Variants in NRCAM observed in about 807,000 individuals in gnomAD.
NRCAM encodes NgCAM-related cell adhesion molecule.
In NRCAM, 83 loss-of-function variants were observed where a neutral mutation model predicts 156.5. The observed-to-expected ratio is 0.53, with a 90% confidence interval of 0.44 to 0.64. The LOEUF is 0.64. Ranked by LOEUF, NRCAM falls within the 30% of genes least tolerant of loss-of-function variation. NRCAM has a pLI of 0.00. For missense variants in NRCAM, 1,417 were observed against 1,597.3 expected, an observed-to-expected ratio of 0.89 and a Z score of 1.92; for synonymous variants, 538 against 563.9, an observed-to-expected ratio of 0.95 and a Z score of 0.65.
In NRCAM at chr7:108,170,352, T is replaced by C. The variant is rs112012921; in HGVS notation, c.3188-1950A>G. 4.1e-3 allele frequency among the ~76,000 whole-genome samples: 617 copies of C among 152,300 alleles called. 3 individuals carry two copies. The highest frequency in any genetic ancestry group is 0.014 in the African/African-American group (585 of 41,546). ...ATGTGTGTGAAAGGAAAATAAATCT[T>C]TGGGCCCCAGAATCACTAAGCTAAA... On this transcript the variant is annotated intron_variant, in intron 28 of 32. Coordinates refer to ENST00000379028, the MANE Select transcript of NRCAM (RefSeq NM_001037132.4).
chr7:108,227,260 A>C (rs1463686158), intron 8 of NRCAM, among the ~76,000 whole-genome samples: 1 of 152,200 alleles, frequency 6.6e-6, no homozygotes, highest in Non-Finnish European at 1.5e-5. Flanking sequence ...ATAATAATTT[A>C]TTAGTACTTC....
intron 24 of NRCAM, among the ~76,000 whole-genome samples, chr7:108,180,830 A>T (rs1362306714): frequency 6.6e-6 from 1 of 152,242 alleles, no homozygotes; most frequent in Non-Finnish European, 1.5e-5. Context: ...ATGTTCACGT[A>T]CAACCTATCA....
intron 2 of NRCAM, among the ~76,000 whole-genome samples, chr7:108,353,257 T>C (rs2099435794): frequency 6.6e-6 from 1 of 152,202 alleles, no homozygotes; most frequent in Non-Finnish European, 1.5e-5. Context: ...AACCAGGTTA[T>C]GCCACTTCCA....
At chr7:108,402,837 T>C (rs2099796886) in intron 1 of NRCAM, among the ~76,000 whole-genome samples, 1 of 152,180 alleles carries the variant, frequency 6.6e-6, no homozygotes, top group Non-Finnish European at 1.5e-5. Flanking sequence ...AGAGATACGC[T>C]AGAACAAAGA....
chr7:108,433,386 AG>A (rs1346644416), intron 1 of NRCAM, among the ~76,000 whole-genome samples: 1 of 152,164 alleles, frequency 6.6e-6, no homozygotes, highest in Admixed American at 6.5e-5. Context: ...ACCTGGATCA[AG>A]GTCTAGAAAA....
rs1250772312 is a variant in NRCAM at position 108,426,938 on chromosome 7, C to A, written c.-331-27345G>T. ...TTGAATCAAAGTCTGTTATTGCTCC[C>A]CATTGTGCAGTGGGGTACCAACTTT... On this transcript the variant is annotated intron_variant, in intron 1 of 32. Coordinates refer to ENST00000379028, the MANE Select transcript of NRCAM (RefSeq NM_001037132.4). Among the ~76,000 whole-genome samples the A allele has an allele frequency of 2.0e-5, 3 of 152,154 alleles. 1 individual carries two copies. In the South Asian group the frequency reaches 6.2e-4, roughly 32 times the overall value.
chr7:108,232,228 C>T, intron 7 of NRCAM, 98 bp downstream of exon 7: 1 of 855,762 alleles, frequency 1.2e-6, no homozygotes, highest in Non-Finnish European at 1.8e-6. Flanking sequence ...GAAGCAATGC[C>T]ACTGCTTTGT....
intron 1 of NRCAM, among the ~76,000 whole-genome samples, chr7:108,417,819 T>TA (rs1803606968): frequency 6.6e-6 from 1 of 152,166 alleles, no homozygotes; most frequent in South Asian, 2.1e-4. Flanking sequence ...AATACCTGGT[T>TA]AAATACCACT....
intron 3 of NRCAM, chr7:108,242,922 A>G (rs903170499): frequency 2.0e-5 from 3 of 152,242 alleles, no homozygotes; most frequent in Non-Finnish European, 4.4e-5. Context: ...AAATTCATAT[A>G]AAAGAAAGTA....
rs1224015109 is a variant in NRCAM, at chr7:108,240,021, C to A, written c.44G>T (p.Gly15Val). ...CAGGAAGAGAATCAGGGGCACTCTG[C>A]CCGCAGATAAGCGCTTCTTTTTCGG... ...IMPKKKRLSAGRVPLILFLCQ... is the reference protein window; with the variant it reads ...IMPKKKRLSAVRVPLILFLCQ... Residue 15 changes from glycine to valine, a missense_variant, in exon 4 of 33, where the codon GGC (glycine) becomes GTC (valine). By Grantham distance (109) the Gly-to-Val change is moderately radical (BLOSUM62 -3). Around this residue, in one of 2 missense-constraint regions of NRCAM, gnomAD observed 1,238 missense variants for 1,336.4 expected, o/e 0.93. Coordinates refer to ENST00000379028, the MANE Select transcript of NRCAM (RefSeq NM_001037132.4). The A allele has an allele frequency of 1.2e-5, 19 of 1,613,340 alleles. No individual in the cohort carries two copies. The highest frequency in any genetic ancestry group is 1.2e-4 in the Admixed American group (7 of 59,990).
At chr7:108,338,472 G>A (rs188514492) in intron 2 of NRCAM, among the ~76,000 whole-genome samples, 39 of 152,220 alleles carry the variant, frequency 2.6e-4, no homozygotes, top group Non-Finnish European at 4.3e-4. Flanking sequence ...TACAGTTCTC[G>A]ACATGGGCAG....
chr7:108,264,335 T>A (rs980378173), intron 3 of NRCAM, among the ~76,000 whole-genome samples: 1 of 152,242 alleles, frequency 6.6e-6, no homozygotes, highest in African/African-American at 2.4e-5. Flanking sequence ...GGAAGACATA[T>A]TTAATGCTGC....
chr7:108,385,006 T>C (rs1460177109), intron 2 of NRCAM, among the ~76,000 whole-genome samples: 2 of 152,116 alleles, frequency 1.3e-5, no homozygotes, highest in Non-Finnish European at 2.9e-5. Context: ...TAAAATAAGA[T>C]CATAAAAGAC....
At chr7:108,328,912 A>C (rs1221067952) in intron 2 of NRCAM, among the ~76,000 whole-genome samples, 1 of 152,172 alleles carries the variant, frequency 6.6e-6, no homozygotes, top group Non-Finnish European at 1.5e-5. Flanking sequence ...AAGACACAAT[A>C]ACTGCTGAGA....
intron 3 of NRCAM, among the ~76,000 whole-genome samples, chr7:108,263,944 G>A (rs2096981747): frequency 6.6e-6 from 1 of 152,064 alleles, no homozygotes; most frequent in South Asian, 2.1e-4. Flanking sequence ...TTACTACTAT[G>A]TTTAATACTA....
At chr7:108,265,742 A>T (rs887164370) in intron 3 of NRCAM, among the ~76,000 whole-genome samples, 1 of 152,240 alleles carries the variant, frequency 6.6e-6, no homozygotes, top group Non-Finnish European at 1.5e-5. Flanking sequence ...GTTAATACAA[A>T]GTTTCACAGA....
chr7:108,242,597 G>A (rs1014637280), intron 3 of NRCAM, among the ~76,000 whole-genome samples: 2 of 152,094 alleles, frequency 1.3e-5, no homozygotes, highest in South Asian at 2.1e-4. Context: ...AAAAATAAAC[G>A]TCACAAATAG....
intron 20 of NRCAM, among the ~76,000 whole-genome samples, chr7:108,186,803 C>A (rs1398641934): frequency 2.0e-5 from 3 of 152,298 alleles, no homozygotes; most frequent in Non-Finnish European, 4.4e-5. Flanking sequence ...TATAAGTTCT[C>A]AAACCTTGTA....
chr7:108,370,668 C>T (rs1638400426), intron 2 of NRCAM, among the ~76,000 whole-genome samples: 2 of 152,106 alleles, frequency 1.3e-5, no homozygotes, highest in South Asian at 4.2e-4. Flanking sequence ...TTTGTGTGCT[C>T]CAAAGTAGCA....
Sources: gnomAD v4.1 joint callset for allele counts (sites outside exome capture counted in the v4.1 genomes callset) on GRCh38, gnomAD v4.1.1 for gene constraint, gnomAD v4.1.1 regional missense constraint, MANE v1.5 for transcripts, NCBI Gene and HGNC (gene_info 2026-07-23, HGNC 2026-07-21) for gene names.